Variants in CYP2S1 observed in about 807,000 individuals in gnomAD.
CYP2S1 encodes cytochrome P450 family 2 subfamily S member 1.
CYP2S1 carries 32 observed loss-of-function variants against 43.5 expected under a neutral mutation model. The ratio of observed to expected loss-of-function variants is 0.74; its 90% CI spans 0.56 to 0.99. CYP2S1 has a LOEUF of 0.99. Among genes scored for constraint, CYP2S1 ranks in the 50% least tolerant of loss-of-function variants. The pLI is 0.00. For synonymous variants in CYP2S1, 283 were observed against 302.9 expected (o/e 0.93, Z 0.68); for missense variants, 575 against 673.9 (o/e 0.85, Z 1.62).
chr19:41,201,763 G>A (rs1047538224), intron 6 of CYP2S1, among the ~76,000 whole-genome samples: 2 of 151,768 alleles, frequency 1.3e-5, no homozygotes, highest in Admixed American at 1.3e-4. Context: ...GACAGGCTGA[G>A]TTAGATCTTT....
chr19:41,201,179 T>C, intron 5 of CYP2S1, 52 bp from the exon 6 acceptor site: 3 of 1,594,686 alleles, frequency 1.9e-6, no homozygotes, highest in Non-Finnish European at 2.6e-6. Flanking sequence ...GTTCTGGACA[T>C]TTACTTCCCA....
At chr19:41,205,420 C>G (rs1308914718) in intron 7 of CYP2S1, among the ~76,000 whole-genome samples, 3 of 33,696 alleles carry the variant, frequency 8.9e-5, no homozygotes, top group Non-Finnish European at 1.5e-4. Context: ...TTCTTTCTTT[C>G]TCTCTCTCTC....
chr19:41,198,466 C>T lies in CYP2S1; in HGVS notation c.498C>T (p.Arg166=). ...CCCTGCCCCCATTCCCCCCAGGACG[C>T]CCATTCGATCCCTCCCTGCTGCTGG... ...LVETFQGTEG[R]PFDPSLLLAQ... is the part of the protein sequence containing the mutation. Residue 166 remains arginine (R), a synonymous_variant, in exon 4 of 9, where the codon CGC becomes CGT. Coordinates refer to ENST00000310054, the MANE Select transcript of CYP2S1 (RefSeq NM_030622.8). This position sits in a 1 kb window ranked among gnomAD's most constrained non-coding sequence, Gnocchi z 4.9. 4 of 1,613,922 alleles carry T rather than the reference C, an allele frequency of 2.5e-6. No individual in the cohort carries two copies. The highest frequency in any genetic ancestry group is 3.4e-6 in the Non-Finnish European group (4 of 1,179,910).
intron 7 of CYP2S1, 31 bp downstream of exon 7, chr19:41,203,668 T>C (rs1350562810): frequency 6.7e-7 from 1 of 1,489,714 alleles, no homozygotes; most frequent in Admixed American, 2.2e-5. Flanking sequence ...CACCCATGGT[T>C]CTCTGCCTCG....
intron 2 of CYP2S1, among the ~76,000 whole-genome samples, chr19:41,195,480 G>A (rs1359086709): frequency 6.6e-6 from 1 of 151,618 alleles, no homozygotes; most frequent in Non-Finnish European, 1.5e-5. Context: ...AGTGGTCAGG[G>A]CCAAGATGGG....
At chr19:41,204,374 C>G (rs1303816651) in intron 7 of CYP2S1, among the ~76,000 whole-genome samples, 1 of 150,882 alleles carries the variant, frequency 6.6e-6, no homozygotes, top group Non-Finnish European at 1.5e-5. Context: ...GACCCTTAGC[C>G]CCTGCTGCAG....
In CYP2S1 at chr19:41,198,976, G is replaced by T; in HGVS notation, c.834+88G>T. On this transcript the variant is annotated intron_variant, in intron 5 of 8. Transcript: ENST00000310054. This position sits in a 1 kb window ranked among gnomAD's most constrained non-coding sequence, Gnocchi z 4.9. ...CAGGTGTCCCTGGGGACCTCAATTG[G>T]GTTCCTCTCTCTTTCTCTCTCTGCA... 2.7e-6 allele frequency: 4 copies of T among 1,475,814 alleles called. No homozygotes were observed. The highest frequency in any genetic ancestry group is 3.6e-6 in the Non-Finnish European group (4 of 1,099,382). The allele number at this position is 1,475,814 out of a possible 1,614,324, so 91.4% of individuals were successfully genotyped here. A position where few individuals can be genotyped will look rare whatever the true frequency, so the allele number is the denominator to read the frequency against.
chr19:41,195,277 C>T (rs945618918), intron 2 of CYP2S1, among the ~76,000 whole-genome samples: 7 of 152,138 alleles, frequency 4.6e-5, no homozygotes, highest in African/African-American at 7.2e-5. Context: ...GATGCCGGAG[C>T]GCTTTCAAGG....
At chr19:41,205,385 TCTC>T (rs2033556986) in intron 7 of CYP2S1, among the ~76,000 whole-genome samples, 1 of 95,048 alleles carries the variant, frequency 1.1e-5, no homozygotes, top group African/African-American at 6.6e-5. Flanking sequence ...TTTCTTTCTC[TCTC>T]TCTCTTTCTT....
rs1353007016 is a variant in CYP2S1, at chr19:41,203,884, CAG to C, written c.1164+250_1164+251del. 8.0e-4 allele frequency among the ~76,000 whole-genome samples: 120 copies of C among 150,448 alleles called. 1 individual carries two copies. Among genetic ancestry groups the C allele is most frequent in the Non-Finnish European group, 5.5e-4 (37 of 67,660 alleles). ...ATATATTTTTTTTCTTTTTTTGAGA[CAG>C]AGTCTCGCACTGTCGCCCGGGCTGG... is the stretch of plus-strand genomic sequence containing the variant. On this transcript the variant is annotated intron_variant, in intron 7 of 8. Transcript: ENST00000310054.
At position 41,196,085 on chromosome 19, in the gene CYP2S1, C is replaced by T. The variant is rs576879582; in HGVS notation, c.343+1376C>T. Among the ~76,000 whole-genome samples the T allele has an allele frequency of 1.1e-4, 16 of 151,690 alleles. No homozygotes were observed. In the South Asian group the frequency reaches 2.3e-3, roughly 22 times the overall value. ...CAAACACAGGGCACAGGCATATGTA[C>T]GAGGGTAAAGAGGGAATCAGGGAAG... On this transcript the variant is annotated intron_variant, in intron 2 of 8. Transcript: ENST00000310054.
chr19:41,198,473 G>C lies in CYP2S1; in HGVS notation c.505G>C (p.Asp169His). The change falls in exon 4 of 9, where the codon GAT (aspartate) becomes CAT (histidine). Residue 169 changes from aspartate (D) to histidine (H), a missense_variant. Physicochemically the swap from Asp to His is moderately conservative, Grantham distance 81. Transcript: ENST00000310054. This position sits in a 1 kb window ranked among gnomAD's most constrained non-coding sequence, Gnocchi z 4.9. ...TFQGTEGRPF[D>H]PSLLLAQATS... ...CCCATTCCCCCCAGGACGCCCATTC[G>C]ATCCCTCCCTGCTGCTGGCCCAGGC... The C allele has an allele frequency of 6.2e-7, 1 of 1,613,778 alleles. No individual in the cohort carries two copies. Among genetic ancestry groups the C allele is most frequent in the Non-Finnish European group, 8.5e-7 (1 of 1,179,930 alleles).
chr19:41,194,464 C>T (rs1467844561), intron 1 of CYP2S1, 80 bp from the exon 2 acceptor site: 6 of 1,466,496 alleles, frequency 4.1e-6, no homozygotes, highest in Non-Finnish European at 4.5e-6. Flanking sequence ...GGTGGCTCCT[C>T]AAGTGACAGG....
chr19:41,194,427 C>T, intron 1 of CYP2S1, 117 bp from the exon 2 acceptor site: 1 of 1,341,896 alleles, frequency 7.5e-7, no homozygotes, highest in Non-Finnish European at 9.9e-7. Flanking sequence ...GGGCAGGTTC[C>T]TGGTAGAGGG....
rs960498057 is a variant in CYP2S1 at position 41,198,791 on chromosome 19, C to T, written c.737C>T (p.Ala246Val). The T allele has an allele frequency of 1.9e-5, 31 of 1,614,118 alleles. No homozygotes were observed. The highest frequency in any genetic ancestry group is 2.5e-5 in the Non-Finnish European group (30 of 1,180,046). The change falls in exon 5 of 9, where the codon GCC becomes GTC. Residue 246 changes from alanine to valine, a missense_variant. Ala to Val is a moderately conservative substitution (Grantham distance 64). Around this residue, in one of 2 missense-constraint regions of CYP2S1, gnomAD observed 353 missense variants for 367.6 expected, o/e 0.96. Transcript: ENST00000310054. This position sits in a 1 kb window ranked among gnomAD's most constrained non-coding sequence, Gnocchi z 4.9. ...CTCCACCACGTCAGCACCTTGGCTGCCTTCACAGTCCGGCAGGTGCAGCAG... is the reference window on the plus strand; with the variant it reads ...CTCCACCACGTCAGCACCTTGGCTGTCTTCACAGTCCGGCAGGTGCAGCAG... ...QLLHHVSTLA[A>V]FTVRQVQQHQ... is the part of the protein sequence containing the mutation.
rs1247597002 is a variant in CYP2S1, at chr19:41,198,828, C to T, written c.774C>T (p.Asn258=). ...TVRQVQQHQG[N]LDASGPARDL... ...GGCAGGTGCAGCAGCACCAGGGGAA[C>T]CTGGATGCTTCGGGCCCCGCACGTG... Residue 258 remains asparagine (N), a synonymous_variant, in exon 5 of 9, where the codon AAC becomes AAT. Coordinates refer to ENST00000310054, the MANE Select transcript of CYP2S1 (RefSeq NM_030622.8). The surrounding 1 kb of genome is among the most constrained non-coding windows in gnomAD (Gnocchi z 4.9). 2 of 1,614,176 alleles carry T rather than the reference C, an allele frequency of 1.2e-6. No individual in the cohort carries two copies. Among genetic ancestry groups the T allele is most frequent in the South Asian group, 1.1e-5 (1 of 91,086 alleles).
At chr19:41,193,884 AGAGGCTG>A (rs1280175589) in intron 1 of CYP2S1, 1 of 158,306 alleles carries the variant, frequency 6.3e-6, no homozygotes. Flanking sequence ...GAGGCAGAGA[AGAGGCTG>A]GAGGGTTGCA....
At chr19:41,200,955 G>A (rs753180286) in intron 5 of CYP2S1, among the ~76,000 whole-genome samples, 37 of 152,200 alleles carry the variant, frequency 2.4e-4, no homozygotes, top group Non-Finnish European at 4.9e-4. Context: ...GTGCGCACCT[G>A]TAATCCCAGC....
chr19:41,201,052 G>A (rs1344839885), intron 5 of CYP2S1, among the ~76,000 whole-genome samples, 179 bp from the exon 6 acceptor site: 1 of 152,038 alleles, frequency 6.6e-6, no homozygotes, highest in Non-Finnish European at 1.5e-5. Flanking sequence ...CACTCAGCCT[G>A]GGCAACAAAG....
Sources: gnomAD v4.1 joint callset for allele counts (sites outside exome capture counted in the v4.1 genomes callset) on GRCh38, gnomAD v4.1.1 for gene constraint, gnomAD v4.1.1 regional missense constraint, Gnocchi (gnomAD v3.1) non-coding constraint, MANE v1.5 for transcripts, NCBI Gene and HGNC (gene_info 2026-07-23, HGNC 2026-07-21) for gene names.